STARD13: variants seen among roughly 807,000 people sequenced by gnomAD.
The protein encoded by STARD13 is StAR related lipid transfer domain containing 13.
STARD13 carries 62 observed loss-of-function variants against 106.4 expected under a neutral mutation model. The ratio of observed to expected loss-of-function variants is 0.58; its 90% CI spans 0.48 to 0.72. The LOEUF is 0.72. Among genes scored for constraint, STARD13 ranks in the 30% least tolerant of loss-of-function variants. The probability of loss-of-function intolerance (pLI) is 0.00; values close to 1 mark genes in which losing one functional copy is unlikely to be tolerated. For missense variants in STARD13, 1,387 were observed against 1,424.0 expected, an observed-to-expected ratio of 0.97 and a Z score of 0.42; for synonymous variants, 565 against 553.0, an observed-to-expected ratio of 1.02 and a Z score of -0.31.
chr13:33,576,977 A>G, the STARD13 span, among the ~76,000 whole-genome samples: 1 of 151,504 alleles, frequency 6.6e-6, no homozygotes, highest in Non-Finnish European at 1.5e-5. Context: ...TCTTTAAAAA[A>G]CTCCCTTAAA....
chr13:33,527,358 G>A, the STARD13 span, among the ~76,000 whole-genome samples: 2 of 152,048 alleles, frequency 1.3e-5, no homozygotes, highest in Admixed American at 1.3e-4. Flanking sequence ...TAGTCATTCT[G>A]TAAGGTTGCT....
the STARD13 span, among the ~76,000 whole-genome samples, chr13:33,442,987 G>A: frequency 3.9e-5 from 6 of 152,130 alleles, no homozygotes; most frequent in African/African-American, 1.4e-4. Flanking sequence ...TTGGTACAGA[G>A]TTCAGTTTTA....
chr13:33,263,860 A>C (rs7327228), intron 1 of STARD13, among the ~76,000 whole-genome samples: 37,527 of 152,124 alleles, frequency 0.25, 5,290 homozygotes, highest in African/African-American at 0.37. Flanking sequence ...TCTACAAATT[A>C]TTTGACACTC....
chr13:33,483,043 C>A, the STARD13 span, among the ~76,000 whole-genome samples: 8 of 152,162 alleles, frequency 5.3e-5, no homozygotes, highest in Non-Finnish European at 1.2e-4. Context: ...TCAATAAAAC[C>A]TTCAGTATGC....
intron 1 of STARD13, among the ~76,000 whole-genome samples, chr13:33,210,071 C>T (rs148882147): frequency 5.3e-5 from 8 of 152,266 alleles, no homozygotes; most frequent in South Asian, 2.1e-4. Context: ...CGACAACAGC[C>T]GCAGTGTTCT....
Position 33,163,606 on chromosome 13 carries a change from ATAT to A in STARD13, c.323+1728_323+1730del, listed in dbSNP as rs1473527874. 8.3e-4 allele frequency among the ~76,000 whole-genome samples: 53 copies of A among 63,476 alleles called. 2 individuals carry two copies. Among genetic ancestry groups the A allele is most frequent in the African/African-American group, 3.0e-3 (49 of 16,468 alleles). 41.6% of individuals were successfully genotyped at this position (63,476 alleles called of 152,430 possible). On this transcript the variant is annotated intron_variant, in intron 3 of 13. Transcript: ENST00000336934. ...CTCTGTCTCAAAAAAAAAAAAAAAA[ATAT>A]ATATATATATATATAAAACATATAT...
At chr13:33,188,060 T>C (rs539575201) in intron 1 of STARD13, 1 of 152,330 alleles carries the variant, frequency 6.6e-6, no homozygotes, top group South Asian at 2.1e-4. Context: ...GGACTCTGAT[T>C]CTAGCCTTCC....
At chr13:33,501,718 G>T in the STARD13 span, among the ~76,000 whole-genome samples, 5 of 152,158 alleles carry the variant, frequency 3.3e-5, no homozygotes, top group East Asian at 9.7e-4. Flanking sequence ...ATTTCTGAGG[G>T]CTCTGTTCTG....
Position 33,285,655 on chromosome 13 carries a change from T to G in STARD13, c.-17A>C. The G allele has an allele frequency of 6.2e-7, 1 of 1,611,308 alleles. No homozygotes were observed. The highest frequency in any genetic ancestry group is 8.5e-7 in the Non-Finnish European group (1 of 1,179,402). ...ACTGAACATCTCGGCAGATTTCCTATTGCCACCTCAGTCTGCCTGTGGCTG... is the reference window on the plus strand; with the variant it reads ...ACTGAACATCTCGGCAGATTTCCTAGTGCCACCTCAGTCTGCCTGTGGCTG... On this transcript the variant is annotated 5_prime_UTR_variant, in exon 1 of 14. Transcript: ENST00000336934.
intron 1 of STARD13, among the ~76,000 whole-genome samples, chr13:33,341,671 C>T (rs374692288): frequency 2.0e-5 from 3 of 152,080 alleles, no homozygotes; most frequent in East Asian, 3.8e-4. Context: ...GAGCAGCCAC[C>T]AGCAATTAAT....
chr13:33,649,812 C>T, the STARD13 span, among the ~76,000 whole-genome samples: 1 of 152,290 alleles, frequency 6.6e-6, no homozygotes, highest in East Asian at 1.9e-4. Context: ...CATTCCATTG[C>T]TGTGAGTGAC....
At chr13:33,329,695 A>ACTTT (rs1471130223) in intron 1 of STARD13, among the ~76,000 whole-genome samples, 1 of 143,036 alleles carries the variant, frequency 7.0e-6, no homozygotes, top group Non-Finnish European at 1.5e-5. Context: ...GTATAAAATC[A>ACTTT]CTTTCTTTCT....
chr13:33,446,650 G>GT, the STARD13 span, among the ~76,000 whole-genome samples: 528 of 152,098 alleles, frequency 3.5e-3, 3 homozygotes, highest in Non-Finnish European at 6.3e-3. Flanking sequence ...AAATCTCTCT[G>GT]TTTCTAAATA....
intron 1 of STARD13, among the ~76,000 whole-genome samples, chr13:33,261,650 C>T (rs1192981600): frequency 7.2e-5 from 11 of 152,104 alleles, no homozygotes. Flanking sequence ...AAGAACGAGA[C>T]TTTCATTCAA....
the STARD13 span, among the ~76,000 whole-genome samples, chr13:33,423,612 A>T: frequency 6.6e-6 from 1 of 152,260 alleles, no homozygotes; most frequent in Non-Finnish European, 1.5e-5. Flanking sequence ...CCAAAGGATT[A>T]TAAATCATGC....
At chr13:33,375,671 G>T in the STARD13 span, among the ~76,000 whole-genome samples, 1 of 152,136 alleles carries the variant, frequency 6.6e-6, no homozygotes, top group African/African-American at 2.4e-5. Context: ...GATTTCGTGA[G>T]AACTCACTAT....
chr13:33,580,341 A>C, the STARD13 span, among the ~76,000 whole-genome samples: 1 of 152,126 alleles, frequency 6.6e-6, no homozygotes, highest in Non-Finnish European at 1.5e-5. Flanking sequence ...ATTCTGAAAA[A>C]GGCACTCTTA....
chr13:33,439,573 A>G, the STARD13 span: 1 of 435,484 alleles, frequency 2.3e-6, no homozygotes. Flanking sequence ...TGTATCCATC[A>G]ACTTTGCATC....
chr13:33,500,200 C>A, the STARD13 span, among the ~76,000 whole-genome samples: 1 of 152,136 alleles, frequency 6.6e-6, no homozygotes, highest in Non-Finnish European at 1.5e-5. Flanking sequence ...GGGACACGAA[C>A]ACTCAGTCCA....
Sources: gnomAD v4.1 joint callset for allele counts (sites outside exome capture counted in the v4.1 genomes callset) on GRCh38, gnomAD v4.1.1 for gene constraint, MANE v1.5 for transcripts, NCBI Gene and HGNC (gene_info 2026-07-23, HGNC 2026-07-21) for gene names.